SEM1: variants seen among roughly 807,000 people sequenced by gnomAD.
The protein encoded by SEM1 is 26S proteasome complex subunit SEM1.
Under a neutral mutation model 12.7 loss-of-function variants are expected in SEM1, and 3 were observed. The ratio of observed to expected loss-of-function variants is 0.24; its 90% confidence interval spans 0.11 to 0.61. The LOEUF is 0.61. SEM1 is among the 20% of genes least tolerant of loss of function. The pLI is 0.88. For missense variants in SEM1, 59 were observed against 81.3 expected, an observed-to-expected ratio of 0.73 and a Z score of 1.06; for synonymous variants, 30 against 27.8, an observed-to-expected ratio of 1.08 and a Z score of -0.25.
At chr7:96,632,778 T>C (rs1390909362) in intron 2 of SEM1, among the ~76,000 whole-genome samples, 2 of 99,250 alleles carry the variant, frequency 2.0e-5, no homozygotes, top group Non-Finnish European at 4.1e-5. Flanking sequence ...TTTTTTGTTG[T>C]TTTTTGTTTT....
intron 2 of SEM1, among the ~76,000 whole-genome samples, chr7:96,548,464 G>A (rs1021890613): frequency 6.6e-6 from 1 of 152,086 alleles, no homozygotes; most frequent in Admixed American, 6.6e-5. Flanking sequence ...TACTGAATCA[G>A]AATCTGTATT....
At chr7:96,658,558 G>A (rs948013670) in intron 2 of SEM1, among the ~76,000 whole-genome samples, 10 of 152,154 alleles carry the variant, frequency 6.6e-5, no homozygotes, top group African/African-American at 2.4e-4. Flanking sequence ...TCTGTGCATA[G>A]GAGCCATGCA....
At position 96,690,051 on chromosome 7, in the gene SEM1, A is replaced by G. The variant is rs561266844; in HGVS notation, c.171-1085T>C. 3.0e-4 allele frequency among the ~76,000 whole-genome samples: 45 copies of G among 152,298 alleles called. No homozygotes were observed. The Middle Eastern group carries it at 0.01, about 35-fold the overall frequency. On this transcript the variant is annotated intron_variant, in intron 2 of 2. Coordinates refer to ENST00000248566, the MANE Select transcript of SEM1 (RefSeq NM_006304.2). ...GAGTCAAGGCTGAAAGGAAAAGCTA[A>G]AAGATTCTGATGATCACAGAAAACT...
At chr7:96,547,210 A>G (rs1805129512) in intron 2 of SEM1, among the ~76,000 whole-genome samples, 1 of 152,170 alleles carries the variant, frequency 6.6e-6, no homozygotes, top group African/African-American at 2.4e-5. Flanking sequence ...TGCTTCTTAT[A>G]TCTCCAGTGT....
chr7:96,503,863 T>C (rs2117275003), intron 3 of SEM1, among the ~76,000 whole-genome samples: 1 of 152,114 alleles, frequency 6.6e-6, no homozygotes, highest in Admixed American at 6.5e-5. Context: ...GCTAGAAGAG[T>C]AAGGGATGAC....
At chr7:96,645,130 TC>T (rs1215806221) in intron 2 of SEM1, among the ~76,000 whole-genome samples, 1 of 152,174 alleles carries the variant, frequency 6.6e-6, no homozygotes, top group African/African-American at 2.4e-5. Context: ...ATGAGAATTG[TC>T]CCTGTGTTTA....
chr7:96,555,945 TG>T (rs1805478694), intron 2 of SEM1, among the ~76,000 whole-genome samples: 1 of 144,770 alleles, frequency 6.9e-6, no homozygotes, highest in Admixed American at 7.0e-5. Context: ...CATTATGTAA[TG>T]GCCTTCTTTG....
intron 2 of SEM1, among the ~76,000 whole-genome samples, chr7:96,561,820 G>T (rs764474766): frequency 2.5e-4 from 38 of 152,306 alleles, no homozygotes; most frequent in Admixed American, 9.2e-4. Flanking sequence ...AAAGCTCTGT[G>T]GTGGCCCCAA....
chr7:96,638,085 A>G (rs2116374865), intron 2 of SEM1, among the ~76,000 whole-genome samples: 1 of 152,078 alleles, frequency 6.6e-6, no homozygotes, highest in African/African-American at 2.4e-5. Context: ...ACTTTTAAAT[A>G]ATGTTACATG....
At chr7:96,655,387 C>T (rs1374371948) in intron 2 of SEM1, among the ~76,000 whole-genome samples, 1 of 151,128 alleles carries the variant, frequency 6.6e-6, no homozygotes, top group Non-Finnish European at 1.5e-5. Context: ...TCAGTTATTT[C>T]ATTTTTTTGA....
At chr7:96,492,571 G>A (rs1192734912) in intron 1 of SEM1, among the ~76,000 whole-genome samples, 3 of 145,804 alleles carry the variant, frequency 2.1e-5, no homozygotes, top group African/African-American at 5.1e-5. Context: ...CACCATGCCC[G>A]ACTAATTTTT....
intron 2 of SEM1, among the ~76,000 whole-genome samples, chr7:96,648,922 A>G (rs10249910): frequency 0.15 from 22,976 of 152,186 alleles, 3,138 homozygotes; most frequent in African/African-American, 0.37. Flanking sequence ...AAACGGCCCA[A>G]TGTTTTTTTC....
intron 3 of SEM1, among the ~76,000 whole-genome samples, chr7:96,502,261 C>T (rs1307427627): frequency 6.6e-6 from 1 of 152,076 alleles, no homozygotes; most frequent in African/African-American, 2.4e-5. Flanking sequence ...GATTCTGGGG[C>T]CTAGGCTCTA....
intron 2 of SEM1, among the ~76,000 whole-genome samples, chr7:96,603,240 G>C (rs1584798655): frequency 1.3e-5 from 2 of 152,118 alleles, no homozygotes; most frequent in South Asian, 4.1e-4. Flanking sequence ...TGTGCTTATT[G>C]GTCTTAAAGG....
chr7:96,666,254 A>G (rs10240084), intron 2 of SEM1, among the ~76,000 whole-genome samples: 50,420 of 151,938 alleles, frequency 0.33, 9,851 homozygotes, highest in African/African-American at 0.55. Context: ...TCTTATGCCT[A>G]TGAACGGAGG....
At chr7:96,593,913 T>G (rs1806914438) in intron 2 of SEM1, among the ~76,000 whole-genome samples, 1 of 146,176 alleles carries the variant, frequency 6.8e-6, no homozygotes, top group East Asian at 2.0e-4. Flanking sequence ...GTTGGGTTTG[T>G]TTTTTTTTTA....
intron 2 of SEM1, among the ~76,000 whole-genome samples, chr7:96,604,899 AG>A (rs2116210536): frequency 1.6e-3 from 1 of 618 alleles, no homozygotes; most frequent in South Asian, 0.25. Flanking sequence ...AGCCTGGGCG[AG>A]ACAGAGCAAG....
chr7:96,708,842 G>T (rs539991881), intron 1 of SEM1, among the ~76,000 whole-genome samples: 1 of 152,138 alleles, frequency 6.6e-6, no homozygotes, highest in East Asian at 1.9e-4. Flanking sequence ...GCTATTACAA[G>T]TAAAGCACTT....
At chr7:96,684,764 T>G (rs1278937664), downstream of SEM1, among the ~76,000 whole-genome samples, 1 of 152,038 alleles carries the variant, frequency 6.6e-6, no homozygotes. Flanking sequence ...AACTCAGACA[T>G]GGAGAGGTAA....
Sources: allele counts gnomAD v4.1 joint callset (sites outside exome capture counted in the v4.1 genomes callset), GRCh38; gene constraint gnomAD v4.1.1; transcripts MANE v1.5; gene names NCBI Gene and HGNC (gene_info 2026-07-23, HGNC 2026-07-21).